Variants in LMO7 observed in about 807,000 individuals in gnomAD.
LMO7 encodes LIM domain only protein 7.
In LMO7, 120 loss-of-function variants were observed where a neutral mutation model predicts 206.5. That is an observed-to-expected ratio of 0.58 (90% CI 0.50 to 0.68). LMO7 has a LOEUF of 0.68. Among genes scored for constraint, LMO7 ranks in the 30% least tolerant of loss-of-function variants. The pLI, the probability that LMO7 is intolerant of heterozygous loss-of-function variation, is 0.00. For missense variants in LMO7, 1,959 were observed against 1,957.9 expected (o/e 1.00, Z -0.01); for synonymous variants, 706 against 681.5 (o/e 1.04, Z -0.56).
At position 75,859,405 on chromosome 13, in the gene LMO7, A is replaced by G. The variant is rs1035603377; in HGVS notation, c.*1462A>G. ...GAATTCATTCTGCATATAATTATTTATAAGTATAGATTGTGAATTTTTCCA... is the reference window on the plus strand; with the variant it reads ...GAATTCATTCTGCATATAATTATTTGTAAGTATAGATTGTGAATTTTTCCA... On this transcript the variant is annotated 3_prime_UTR_variant, in exon 31 of 31. Coordinates refer to ENST00000377534, the MANE Select transcript of LMO7 (RefSeq NM_001306080.2). 1 of 152,202 alleles carries G rather than the reference A, an allele frequency of 6.6e-6. No individual in the cohort carries two copies. Among genetic ancestry groups the G allele is most frequent in the African/African-American group, 2.4e-5 (1 of 41,456 alleles). The allele number at this position is 152,202 out of a possible 1,614,324, so 9.4% of individuals were successfully genotyped here. A position where few individuals can be genotyped will look rare whatever the true frequency, so the allele number is the denominator to read the frequency against.
intron 3 of LMO7, among the ~76,000 whole-genome samples, chr13:75,733,946 C>T (rs998735119): frequency 1.3e-5 from 2 of 152,312 alleles, no homozygotes; most frequent in African/African-American, 4.8e-5. Flanking sequence ...GCCCAGACTG[C>T]GAGATGTGCA....
intron 1 of LMO7, among the ~76,000 whole-genome samples, chr13:75,690,776 A>C (rs959173559): frequency 6.6e-6 from 1 of 152,212 alleles, no homozygotes; most frequent in Non-Finnish European, 1.5e-5. Context: ...GGTTTTCAAT[A>C]AAATTGGAAA....
At chr13:75,715,485 A>G (rs568666470) in intron 2 of LMO7, among the ~76,000 whole-genome samples, 6 of 152,344 alleles carry the variant, frequency 3.9e-5, no homozygotes, top group South Asian at 2.1e-4. Context: ...GCATTGCCAC[A>G]TAAGTCTAAT....
intron 4 of LMO7, among the ~76,000 whole-genome samples, chr13:75,775,740 A>C (rs2050290033): frequency 1.3e-5 from 2 of 152,080 alleles, no homozygotes; most frequent in South Asian, 2.1e-4. Flanking sequence ...ATGCAAATTA[A>C]AACCACAATG....
At chr13:75,842,760 A>G in intron 24 of LMO7, 91 bp from the exon 25 acceptor site, 1 of 770,946 alleles carries the variant, frequency 1.3e-6, no homozygotes, top group Non-Finnish European at 2.3e-6. Flanking sequence ...TAAAGAGGCT[A>G]GAATGACATT....
At chr13:75,853,424 C>A (rs2060652022) in intron 28 of LMO7, 36 bp downstream of exon 28, 5 of 1,508,430 alleles carry the variant, frequency 3.3e-6, no homozygotes, top group African/African-American at 2.8e-5. Flanking sequence ...TTCTCTTAGT[C>A]TTGGGTATTT....
intron 3 of LMO7, among the ~76,000 whole-genome samples, chr13:75,742,569 C>A (rs905512159): frequency 6.6e-6 from 1 of 152,134 alleles, no homozygotes; most frequent in Admixed American, 6.6e-5. Context: ...AATAAGGCTG[C>A]ACACTTACAA....
chr13:75,719,411 C>T (rs1320500392), intron 2 of LMO7, among the ~76,000 whole-genome samples: 1 of 152,176 alleles, frequency 6.6e-6, no homozygotes, highest in African/African-American at 2.4e-5. Context: ...CTGCTATGAA[C>T]ATCCATGATA....
At chr13:75,821,093 C>T (rs146670747) in intron 13 of LMO7, 84 bp from the exon 14 acceptor site, 51 of 978,534 alleles carry the variant, frequency 5.2e-5, no homozygotes, top group African/African-American at 1.1e-4. Flanking sequence ...ATTCCCAGTC[C>T]GTTTCATGCG....
chr13:75,678,451 C>G (rs777851970), intron 1 of LMO7, among the ~76,000 whole-genome samples: 3 of 152,172 alleles, frequency 2.0e-5, no homozygotes, highest in Non-Finnish European at 4.4e-5. Flanking sequence ...TGAGAAGTGT[C>G]TGTTCATATC....
chr13:75,830,354 T>C (rs946669227), intron 15 of LMO7, among the ~76,000 whole-genome samples: 1 of 152,158 alleles, frequency 6.6e-6, no homozygotes, highest in Non-Finnish European at 1.5e-5. Flanking sequence ...CTTTAATCCT[T>C]CTGTGTAGTG....
At chr13:75,670,480 T>A (rs1208532031) in intron 1 of LMO7, among the ~76,000 whole-genome samples, 1 of 152,244 alleles carries the variant, frequency 6.6e-6, no homozygotes, top group African/African-American at 2.4e-5. Context: ...ATAGTGTAGC[T>A]TATTGCTCCT....
At chr13:75,751,149 CTTTTTTTTTTTTTTTT>C (rs57976279) in intron 3 of LMO7, among the ~76,000 whole-genome samples, 13 of 60,390 alleles carry the variant, frequency 2.2e-4, no homozygotes, top group Admixed American at 1.2e-3. Flanking sequence ...TTTTTCAGCT[CTTTTTTTTTTTTTTTT>C]TTTTTTTTTT....
chr13:75,670,324 GAGA>G (rs2039449329), intron 1 of LMO7, among the ~76,000 whole-genome samples: 2 of 152,280 alleles, frequency 1.3e-5, no homozygotes, highest in Admixed American at 1.3e-4. Context: ...TTCTGCCACT[GAGA>G]AGGAGTGTAC....
intron 11 of LMO7, among the ~76,000 whole-genome samples, chr13:75,814,080 T>G (rs1247811222): frequency 6.6e-6 from 1 of 152,212 alleles, no homozygotes; most frequent in East Asian, 1.9e-4. Context: ...GTTAGATATA[T>G]TACATTAATA....
At chr13:75,690,426 G>T (rs2041369965) in intron 1 of LMO7, among the ~76,000 whole-genome samples, 1 of 152,136 alleles carries the variant, frequency 6.6e-6, no homozygotes, top group Admixed American at 6.5e-5. Flanking sequence ...CTATATTTGA[G>T]AGCTCCTCCA....
At chr13:75,735,575 C>A (rs1404379652) in intron 3 of LMO7, among the ~76,000 whole-genome samples, 1 of 152,012 alleles carries the variant, frequency 6.6e-6, no homozygotes, top group Non-Finnish European at 1.5e-5. Flanking sequence ...GATTCCCCTG[C>A]CTCAGCTTCC....
intron 28 of LMO7, among the ~76,000 whole-genome samples, chr13:75,853,625 G>C (rs762604690): frequency 1.3e-5 from 2 of 152,192 alleles, no homozygotes; most frequent in Non-Finnish European, 2.9e-5. Flanking sequence ...GTGTCTACTT[G>C]TTGCCATCGT....
chr13:75,773,418 G>A (rs754236688), intron 4 of LMO7, among the ~76,000 whole-genome samples: 1 of 152,154 alleles, frequency 6.6e-6, no homozygotes, highest in Non-Finnish European at 1.5e-5. Flanking sequence ...GACTTAGAAA[G>A]ATAGAGTAAT....
Sources: gnomAD v4.1 joint callset for allele counts (sites outside exome capture counted in the v4.1 genomes callset) on GRCh38, gnomAD v4.1.1 for gene constraint, MANE v1.5 for transcripts, NCBI Gene and HGNC (gene_info 2026-07-23, HGNC 2026-07-21) for gene names.